Variants in CDH13 observed in about 807,000 individuals in gnomAD.
The protein encoded by CDH13 is cadherin 13, also known as cadherin-13.
In CDH13, 24 loss-of-function variants were observed where a neutral mutation model predicts 63.8. That is an observed-to-expected ratio of 0.38 (90% CI 0.27 to 0.53). The LOEUF is 0.53. CDH13 is among the 20% of genes least tolerant of loss of function. The probability of loss-of-function intolerance (pLI) is 0.85; values close to 1 mark genes in which losing one functional copy is unlikely to be tolerated. For synonymous variants in CDH13, 503 were observed against 355.3 expected (o/e 1.42, Z -4.67); for missense variants, 1,049 against 903.1 (o/e 1.16, Z -2.07).
chr16:82,639,120 A>G (rs998436004), intron 1 of CDH13, among the ~76,000 whole-genome samples: 4 of 152,172 alleles, frequency 2.6e-5, no homozygotes, highest in African/African-American at 9.7e-5. Flanking sequence ...GCACTAGTAT[A>G]TAAAAGTTGC....
chr16:83,789,115 A>G (rs1334857597), intron 13 of CDH13, among the ~76,000 whole-genome samples: 1 of 152,186 alleles, frequency 6.6e-6, no homozygotes, highest in African/African-American at 2.4e-5. Context: ...AGGGATGGAC[A>G]TAATAAGACA....
intron 3 of CDH13, among the ~76,000 whole-genome samples, chr16:83,045,797 G>A (rs940121244): frequency 6.6e-6 from 1 of 152,204 alleles, no homozygotes; most frequent in Non-Finnish European, 1.5e-5. Flanking sequence ...AACAGGGGAA[G>A]AGGTACCATT....
At chr16:83,656,085 C>G (rs748896758) in intron 8 of CDH13, among the ~76,000 whole-genome samples, 1 of 152,166 alleles carries the variant, frequency 6.6e-6, no homozygotes. Context: ...GGTCATTCTC[C>G]ATTCCCACCC....
At chr16:83,244,641 A>T (rs1252481954) in intron 5 of CDH13, among the ~76,000 whole-genome samples, 1 of 152,086 alleles carries the variant, frequency 6.6e-6, no homozygotes, top group Non-Finnish European at 1.5e-5. Flanking sequence ...CATGGACTCT[A>T]CATCTAGTTG....
At chr16:83,370,853 T>C (rs540548182) in intron 6 of CDH13, among the ~76,000 whole-genome samples, 5 of 152,346 alleles carry the variant, frequency 3.3e-5, no homozygotes, top group African/African-American at 1.2e-4. Flanking sequence ...GTACCATATT[T>C]CTTTAATCCA....
Position 82,637,428 on chromosome 16 carries a change from C to CTTT in CDH13, c.45+10309_45+10311dup, listed in dbSNP as rs573088098. ...GCTGAGGTCTGTACAGTTACTGTGC[C>CTTT]TTTTTTTTTTTTTTTTTTTTGAGAC... On this transcript the variant is annotated intron_variant, in intron 1 of 13. Coordinates refer to ENST00000567109, the MANE Select transcript of CDH13 (RefSeq NM_001257.5). Among the ~76,000 whole-genome samples the CTTT allele has an allele frequency of 1.0e-3, 85 of 81,648 alleles. 10 individuals are homozygous for CTTT. Among genetic ancestry groups the CTTT allele is most frequent in the African/African-American group, 2.6e-3 (51 of 19,250 alleles). 53.6% of individuals were successfully genotyped at this position (81,648 alleles called of 152,430 possible). A position where few individuals can be genotyped will look rare whatever the true frequency, so the allele number is the denominator to read the frequency against.
At chr16:83,795,000 A>G in intron 13 of CDH13, 23 bp from the exon 14 acceptor site, 1 of 1,591,070 alleles carries the variant, frequency 6.3e-7, no homozygotes, top group Non-Finnish European at 8.6e-7. Context: ...TTCCCGACTT[A>G]ACTCTGAACC....
At chr16:82,854,466 A>G (rs969595312) in intron 1 of CDH13, among the ~76,000 whole-genome samples, 2 of 151,932 alleles carry the variant, frequency 1.3e-5, no homozygotes, top group African/African-American at 2.4e-5. Flanking sequence ...ACATTCTACT[A>G]TTATTGACTA....
At chr16:83,035,598 G>A (rs1400163040) in intron 3 of CDH13, among the ~76,000 whole-genome samples, 1 of 152,144 alleles carries the variant, frequency 6.6e-6, no homozygotes, top group Admixed American at 6.5e-5. Context: ...AGTGAGACTT[G>A]AGCCTGGGCA....
At chr16:83,617,995 ACTAT>A (rs1873575346) in intron 8 of CDH13, among the ~76,000 whole-genome samples, 1 of 152,312 alleles carries the variant, frequency 6.6e-6, no homozygotes, top group South Asian at 2.1e-4. Flanking sequence ...AAGGAAAGAA[ACTAT>A]CTGTTTTGTC....
intron 5 of CDH13, among the ~76,000 whole-genome samples, chr16:83,235,586 T>TG (rs1555517052): frequency 8.0e-5 from 12 of 149,810 alleles, no homozygotes; most frequent in African/African-American, 2.7e-4. Context: ...GGTGGTGTTT[T>TG]TTTTTTTTTT....
intron 2 of CDH13, among the ~76,000 whole-genome samples, chr16:82,930,421 A>T (rs1256749387): frequency 1.3e-5 from 2 of 152,034 alleles, no homozygotes. Flanking sequence ...TATATGTTAT[A>T]TTAAACATAG....
intron 1 of CDH13, among the ~76,000 whole-genome samples, chr16:82,765,106 C>T (rs2035005307): frequency 6.6e-6 from 1 of 152,160 alleles, no homozygotes; most frequent in Non-Finnish European, 1.5e-5. Context: ...ATTCTTAAAT[C>T]ATTCATTTCT....
rs559103857 is a variant in CDH13 at position 82,811,147 on chromosome 16, TG to T, written c.46-47213del. ...TAGACAGGCATAGGTGTCCTGGAAC[TG>T]GTTCTGTCTTACCAGCTTGTCAAAG... is the stretch of plus-strand genomic sequence containing the variant. On this transcript the variant is annotated intron_variant, in intron 1 of 13. Coordinates refer to ENST00000567109, the MANE Select transcript of CDH13 (RefSeq NM_001257.5). Among the ~76,000 whole-genome samples the T allele has an allele frequency of 1.4e-4, 22 of 152,216 alleles. 1 individual carries two copies. The highest frequency in any genetic ancestry group is 2.9e-5 in the Non-Finnish European group (2 of 68,034).
At chr16:83,637,674 A>T (rs1598403005) in intron 8 of CDH13, among the ~76,000 whole-genome samples, 1 of 1,704 alleles carries the variant, frequency 5.9e-4, no homozygotes, top group East Asian at 9.4e-3. Context: ...CTGAGATCAA[A>T]CTGCAAGGCG....
chr16:82,633,040 G>T (rs1251519922), intron 1 of CDH13, among the ~76,000 whole-genome samples: 2 of 152,150 alleles, frequency 1.3e-5, no homozygotes, highest in African/African-American at 4.8e-5. Context: ...GCGAGTGCTG[G>T]GGGGCCATTA....
intron 9 of CDH13, among the ~76,000 whole-genome samples, chr16:83,677,104 T>C (rs1915017159): frequency 6.6e-6 from 1 of 152,218 alleles, no homozygotes; most frequent in African/African-American, 2.4e-5. Context: ...AGAAGCAGTA[T>C]GCCCTCATCT....
intron 3 of CDH13, among the ~76,000 whole-genome samples, chr16:83,106,342 A>T (rs1032629493): frequency 2.0e-5 from 3 of 152,154 alleles, no homozygotes; most frequent in African/African-American, 7.2e-5. Flanking sequence ...GTTCGAGACG[A>T]GCCTGGCCAA....
chr16:83,202,608 G>C (rs1357770637), intron 4 of CDH13, among the ~76,000 whole-genome samples: 1 of 152,128 alleles, frequency 6.6e-6, no homozygotes, highest in Non-Finnish European at 1.5e-5. Flanking sequence ...TACATTTCCA[G>C]GCATCAGTCT....
Sources: allele counts gnomAD v4.1 joint callset (sites outside exome capture counted in the v4.1 genomes callset), GRCh38; gene constraint gnomAD v4.1.1; transcripts MANE v1.5; gene names NCBI Gene and HGNC (gene_info 2026-07-23, HGNC 2026-07-21).